NTN3: variants seen among roughly 807,000 people sequenced by gnomAD.
The protein encoded by NTN3 is netrin-3.
Under a neutral mutation model 37.2 loss-of-function variants are expected in NTN3, and 44 were observed. The observed-to-expected ratio is 1.18, with a 90% CI of 0.93 to 1.52. The LOEUF (loss-of-function observed/expected upper bound fraction) is 1.52, where lower values mean the gene tolerates loss of function less well. Among genes scored for constraint, NTN3 ranks in the 40% most tolerant of loss-of-function variants. NTN3 has a pLI of 0.00. For synonymous variants in NTN3, 385 were observed against 376.0 expected (o/e 1.02, Z -0.28); for missense variants, 882 against 857.3 (o/e 1.03, Z -0.36).
Position 2,473,799 on chromosome 16 carries a change from G to A in NTN3, c.1437G>A (p.Ala479=). Residue 479 remains alanine (A), a synonymous_variant, in exon 6 of 6, where the codon GCG becomes GCA. Transcript: ENST00000293973. The part of the protein sequence containing the change: ...AVGARGEARG[A]WTRFPVAVLA... Reference sequence around the variant, plus strand: ...GTGCGCGCGGCGAGGCGCGCGGCGCGTGGACACGCTTCCCGGTGGCGGTGC... The same window carrying A: ...GTGCGCGCGGCGAGGCGCGCGGCGCATGGACACGCTTCCCGGTGGCGGTGC... The A allele has an allele frequency of 7.2e-7, 1 of 1,392,890 alleles. No individual in the cohort carries two copies. Among genetic ancestry groups the A allele is most frequent in the South Asian group, 1.6e-5 (1 of 62,016 alleles). The allele number at this position is 1,392,890 out of a possible 1,614,324, so 86.3% of individuals were successfully genotyped here.
Position 2,472,810 on chromosome 16 carries a change from C to T in NTN3, c.1038C>T (p.Ala346=), listed in dbSNP as rs759176016. ...GVCLNCRHNT[A]GRHCHYCREG... is the part of the protein sequence containing the mutation. Reference sequence around the variant, plus strand: ...GTCTCAACTGCCGGCACAACACCGCCGGCCGCCACTGCCACTACTGCCGGG... The same window carrying T: ...GTCTCAACTGCCGGCACAACACCGCTGGCCGCCACTGCCACTACTGCCGGG... Residue 346 remains alanine (A), a synonymous_variant, in exon 2 of 6, where the codon GCC becomes GCT. Coordinates refer to ENST00000293973, the MANE Select transcript of NTN3 (RefSeq NM_006181.3). 1.8e-5 allele frequency: 29 copies of T among 1,605,618 alleles called. No individual in the cohort carries two copies. Among genetic ancestry groups the T allele is most frequent in the South Asian group, 7.7e-5 (7 of 90,994 alleles).
In NTN3 at chr16:2,474,021, C is replaced by G; in HGVS notation, c.1659C>G (p.Leu553=). 1 of 1,196,130 alleles carries G rather than the reference C, an allele frequency of 8.4e-7. No individual in the cohort carries two copies. The highest frequency in any genetic ancestry group is 1.6e-5 in the African/African-American group (1 of 62,984). 74.1% of individuals were successfully genotyped at this position (1,196,130 alleles called of 1,614,324 possible). A position where few individuals can be genotyped will look rare whatever the true frequency, so the allele number is the denominator to read the frequency against. The change falls in exon 6 of 6, where the codon CTC becomes CTG. Residue 553 remains leucine, a synonymous_variant. Coordinates refer to ENST00000293973, the MANE Select transcript of NTN3 (RefSeq NM_006181.3). ...GPGLIAARGS[L]VLPWRDAWTR... is the part of the protein sequence containing the mutation. The stretch of plus-strand genomic sequence containing the variant: ...GGCTCATCGCCGCCCGCGGAAGCCT[C>G]GTGCTACCCTGGAGGGACGCGTGGA...
At position 2,472,478 on chromosome 16, in the gene NTN3, A is replaced by T; in HGVS notation, c.777A>T (p.Gly259=). The change falls in exon 1 of 6, where the codon GGA becomes GGT. Residue 259 remains glycine, a synonymous_variant. Transcript: ENST00000293973. ...TGGGCGGGCGCTGCAAGTGCAATGG[A>T]CATGCCTCACGGTGCCTGCTGGACA... ...LQVGGRCKCN[G]HASRCLLDTQ... is the part of the protein sequence containing the mutation. 12 of 1,595,814 alleles carry T rather than the reference A, an allele frequency of 7.5e-6. No homozygotes were observed. Among genetic ancestry groups the T allele is most frequent in the Non-Finnish European group, 1.0e-5 (12 of 1,164,408 alleles).
chr16:2,471,852 C>G lies in NTN3; in HGVS notation c.151C>G (p.Arg51Gly), dbSNP rs1467965657. 8.3e-6 allele frequency: 12 copies of G among 1,442,276 alleles called. No homozygotes were observed. Among genetic ancestry groups the G allele is most frequent in the Non-Finnish European group, 1.0e-5 (11 of 1,098,090 alleles). The allele number at this position is 1,442,276 out of a possible 1,614,324, so 89.3% of individuals were successfully genotyped here. Residue 51 changes from arginine to glycine, a missense_variant, in exon 1 of 6, where the codon CGC becomes GGC. Transcript: ENST00000293973. Reference sequence around the variant, plus strand: ...AGGACTGGTGAACGCCGCCCTGGGCCGCGAGGTGCTGGCTTCCAGCACGTG... The same window carrying G: ...AGGACTGGTGAACGCCGCCCTGGGCGGCGAGGTGCTGGCTTCCAGCACGTG... Reference protein sequence around the residue: ...VPGLVNAALGREVLASSTCGR... With the variant: ...VPGLVNAALGGEVLASSTCGR...
Position 2,473,006 on chromosome 16 carries a change from G to A in NTN3, c.1139G>A (p.Gly380Asp). Reference sequence around the variant, plus strand: ...TCAGCCTGCGACTGTCACCCGGTTGGTGCTGCTGGCAAGACCTGCAACCAG... The same window carrying A: ...TCAGCCTGCGACTGTCACCCGGTTGATGCTGCTGGCAAGACCTGCAACCAG... ...ACRACDCHPV[G>D]AAGKTCNQTT... Residue 380 changes from glycine to aspartate, a missense_variant, in exon 3 of 6, where the codon GGT becomes GAT. Physicochemically the swap from Gly to Asp is moderately conservative, Grantham distance 94. Transcript: ENST00000293973. 2 of 1,606,452 alleles carry A rather than the reference G, an allele frequency of 1.2e-6. No individual in the cohort carries two copies. The highest frequency in any genetic ancestry group is 1.1e-5 in the South Asian group (1 of 90,816).
At chr16:2,473,230 C>A in intron 3 of NTN3, 38 bp from the exon 4 acceptor site, 1 of 1,608,682 alleles carries the variant, frequency 6.2e-7, no homozygotes, top group Non-Finnish European at 8.5e-7. Context: ...GATCTCTCTG[C>A]CCCTCCATCG....
Position 2,472,530 on chromosome 16 carries a change from C to G in NTN3, c.829C>G (p.Arg277Gly), listed in dbSNP as rs371230359. The G allele has an allele frequency of 6.2e-7, 1 of 1,606,654 alleles. No homozygotes were observed. Among genetic ancestry groups the G allele is most frequent in the Non-Finnish European group, 8.5e-7 (1 of 1,178,794 alleles). Residue 277 changes from arginine to glycine, a missense_variant, in exon 1 of 6, where the codon CGG (arginine) becomes GGG (glycine). Coordinates refer to ENST00000293973, the MANE Select transcript of NTN3 (RefSeq NM_006181.3). Reference protein sequence around the residue: ...DTQGHLICDCRHGTEGPDCGR... With the variant: ...DTQGHLICDCGHGTEGPDCGR... ...ACAGGGCCACCTGATCTGCGACTGT[C>G]GGCATGGCACCGAGGGCCCTGACTG... is the stretch of plus-strand genomic sequence containing the variant.
chr16:2,473,413 C>T lies in NTN3; in HGVS notation c.1319-16C>T, dbSNP rs1419587672. The T allele has an allele frequency of 1.9e-6, 3 of 1,612,750 alleles. No homozygotes were observed. The highest frequency in any genetic ancestry group is 1.7e-5 in the Admixed American group (1 of 59,984). ...GGGGAAAGGGAGTCTGTGCCAGCCT[C>T]CCACCTTCTACCCAGACTGTGACTC... On this transcript the variant is annotated splice_polypyrimidine_tract_variant and intron_variant, in intron 4 of 5. Transcript: ENST00000293973.
Position 2,472,833 on chromosome 16 carries a change from G to T in NTN3, c.1061G>T (p.Arg354Leu). Residue 354 changes from arginine (R) to leucine (L), a missense_variant, in exon 2 of 6, where the codon CGG (arginine) becomes CTG (leucine). Coordinates refer to ENST00000293973, the MANE Select transcript of NTN3 (RefSeq NM_006181.3). ...NTAGRHCHYC[R>L]EGFYRDPGRA... ...GCCGGCCGCCACTGCCACTACTGCC[G>T]GGAGGGCTTCTATCGAGACCCTGGC... 1 of 1,609,432 alleles carries T rather than the reference G, an allele frequency of 6.2e-7. No homozygotes were observed. Among genetic ancestry groups the T allele is most frequent in the Non-Finnish European group, 8.5e-7 (1 of 1,179,380 alleles).
chr16:2,472,603 C>T lies in NTN3; in HGVS notation c.902C>T (p.Thr301Ile), dbSNP rs1311778466. The T allele has an allele frequency of 2.5e-6, 4 of 1,595,626 alleles. No homozygotes were observed. Among genetic ancestry groups the T allele is most frequent in the Non-Finnish European group, 3.4e-6 (4 of 1,169,468 alleles). The part of the protein sequence containing the change: ...FYCDRPWQRA[T>I]ARESHACLAC... ...TGCGACAGGCCATGGCAGCGGGCCA[C>T]TGCCCGGGAATCCCACGCCTGCCTC... The change falls in exon 1 of 6, where the codon ACT becomes ATT. Residue 301 changes from threonine (T) to isoleucine (I), a missense_variant. Coordinates refer to ENST00000293973, the MANE Select transcript of NTN3 (RefSeq NM_006181.3).
Position 2,471,921 on chromosome 16 carries a change from C to A in NTN3, c.220C>A (p.Arg74=). 6.5e-7 allele frequency: 1 copy of A among 1,543,324 alleles called. No homozygotes were observed. The highest frequency in any genetic ancestry group is 2.4e-5 in the East Asian group (1 of 42,256). Residue 74 remains arginine (R), a synonymous_variant, in exon 1 of 6, where the codon CGG becomes AGG. Coordinates refer to ENST00000293973, the MANE Select transcript of NTN3 (RefSeq NM_006181.3). ...TRACDASDPR[R]AHSPALLTSP... is the part of the protein sequence containing the mutation. The stretch of plus-strand genomic sequence containing the variant: ...GGCCTGCGACGCCTCCGACCCGCGA[C>A]GGGCACACTCCCCCGCCCTCCTTAC...
chr16:2,474,099 C>T lies in NTN3; in HGVS notation c.1737C>T (p.Ala579=). The change falls in exon 6 of 6, where the codon GCC becomes GCT. Residue 579 remains alanine (A), a synonymous_variant. Transcript: ENST00000293973. ...QRRERRGRCS[A]A ...GCGAACGGCGGGGGCGCTGCAGCGC[C>T]GCCTGAGCCCGCCGGCTGGGCAGGG... The T allele has an allele frequency of 3.3e-6, 4 of 1,207,580 alleles. No homozygotes were observed. Among genetic ancestry groups the T allele is most frequent in the Non-Finnish European group, 4.1e-6 (4 of 971,920 alleles). The allele number at this position is 1,207,580 out of a possible 1,614,324, so 74.8% of individuals were successfully genotyped here.
chr16:2,471,622 A>T lies in NTN3; in HGVS notation c.-80A>T. The T allele has an allele frequency of 9.0e-7, 1 of 1,105,556 alleles. No individual in the cohort carries two copies. Among genetic ancestry groups the T allele is most frequent in the Non-Finnish European group, 1.2e-6 (1 of 850,960 alleles). 68.5% of individuals were successfully genotyped at this position (1,105,556 alleles called of 1,614,324 possible). The stretch of plus-strand genomic sequence containing the variant: ...CCTCGGCATTGCGGGCCTGGTGGGC[A>T]GAGCCGCGGAGAGGGCTTCTTTTCC... On this transcript the variant is annotated 5_prime_UTR_variant, in exon 1 of 6. Transcript: ENST00000293973.
rs1341324727 is a variant in NTN3, at chr16:2,472,293, A to G, written c.592A>G (p.Ser198Gly). The change falls in exon 1 of 6, where the codon AGC becomes GGC. Residue 198 changes from serine (S) to glycine (G), a missense_variant. By Grantham distance (56) the Ser-to-Gly change is moderately conservative (BLOSUM62 0). Coordinates refer to ENST00000293973, the MANE Select transcript of NTN3 (RefSeq NM_006181.3). ...SGLLAFSMQD[S>G]SPPGLDLDSS... is the part of the protein sequence containing the mutation. ...CCTTCTGGCCTTCAGCATGCAGGACAGCAGCCCCCCAGGCCTGGACCTGGA... is the reference window on the plus strand; with the variant it reads ...CCTTCTGGCCTTCAGCATGCAGGACGGCAGCCCCCCAGGCCTGGACCTGGA... 6.2e-7 allele frequency: 1 copy of G among 1,607,666 alleles called. No homozygotes were observed. Among genetic ancestry groups the G allele is most frequent in the Non-Finnish European group, 8.5e-7 (1 of 1,176,578 alleles).
At position 2,473,038 on chromosome 16, in the gene NTN3, G is replaced by A. The variant is rs143882847; in HGVS notation, c.1171G>A (p.Gly391Ser). The A allele has an allele frequency of 2.5e-6, 4 of 1,611,292 alleles. No individual in the cohort carries two copies. The highest frequency in any genetic ancestry group is 1.3e-5 in the African/African-American group (1 of 75,012). The change falls in exon 3 of 6, where the codon GGC becomes AGC. Residue 391 changes from glycine to serine, a missense_variant. Transcript: ENST00000293973. ...AAGKTCNQTT[G>S]QCPCKDGVTG... ...TGGCAAGACCTGCAACCAGACCACA[G>A]GCCAGTGTCCCTGCAAGGATGGCGT...
In NTN3 at chr16:2,473,278, C is replaced by T; in HGVS notation, c.1278C>T (p.Ile426=). 1.2e-6 allele frequency: 2 copies of T among 1,612,944 alleles called. No individual in the cohort carries two copies. Among genetic ancestry groups the T allele is most frequent in the Non-Finnish European group, 1.7e-6 (2 of 1,179,976 alleles). ...CCTCCCTCTCTGCAGAGACCCCTAT[C>T]CCTGGACCCACTGAGGACAGCAGCC... ...SPVAPCVKTP[I]PGPTEDSSPV... is the part of the protein sequence containing the mutation. Residue 426 remains isoleucine (I), a synonymous_variant, in exon 4 of 6, where the codon ATC becomes ATT. Transcript: ENST00000293973.
chr16:2,471,905 C>G lies in NTN3; in HGVS notation c.204C>G (p.Asp68Glu). The stretch of plus-strand genomic sequence containing the variant: ...GGCGGCCGGCCACTCGGGCCTGCGA[C>G]GCCTCCGACCCGCGACGGGCACACT... ...TCGRPATRAC[D>E]ASDPRRAHSP... Residue 68 changes from aspartate to glutamate, a missense_variant, in exon 1 of 6, where the codon GAC (aspartate) becomes GAG (glutamate). Physicochemically the swap from Asp to Glu is conservative, Grantham distance 45 (BLOSUM62 2). Transcript: ENST00000293973. 1.3e-6 allele frequency: 2 copies of G among 1,528,488 alleles called. No homozygotes were observed. Among genetic ancestry groups the G allele is most frequent in the Non-Finnish European group, 1.7e-6 (2 of 1,145,078 alleles). The allele number at this position is 1,528,488 out of a possible 1,614,324, so 94.7% of individuals were successfully genotyped here. A position where few individuals can be genotyped will look rare whatever the true frequency, so the allele number is the denominator to read the frequency against.
At position 2,472,008 on chromosome 16, in the gene NTN3, C is replaced by G. The variant is rs2065524125; in HGVS notation, c.307C>G (p.Leu103Val). The G allele has an allele frequency of 6.9e-6, 11 of 1,605,422 alleles. No individual in the cohort carries two copies. Among genetic ancestry groups the G allele is most frequent in the Non-Finnish European group, 9.3e-6 (11 of 1,179,410 alleles). The change falls in exon 1 of 6, where the codon CTC (leucine) becomes GTC (valine). Residue 103 changes from leucine (L) to valine (V), a missense_variant. Coordinates refer to ENST00000293973, the MANE Select transcript of NTN3 (RefSeq NM_006181.3). ...WRSESLPRAPLNVTLTVPLGK... is the reference protein window; with the variant it reads ...WRSESLPRAPVNVTLTVPLGK... Reference sequence around the variant, plus strand: ...CTCGGAGTCCCTGCCTCGGGCGCCCCTCAACGTGACTCTCACGGTGCCCCT... The same window carrying G: ...CTCGGAGTCCCTGCCTCGGGCGCCCGTCAACGTGACTCTCACGGTGCCCCT...
In NTN3 at chr16:2,472,696, T is replaced by C. The variant is rs1156253025; in HGVS notation, c.929-5T>C. ...AGCCTGCCCCTGACCCATCCCTCCC[T>C]GCAGCTTGCTCCTGCAACGGCCATG... is the stretch of plus-strand genomic sequence containing the variant. On this transcript the variant is annotated splice_polypyrimidine_tract_variant and splice_region_variant and intron_variant, in intron 1 of 5. Coordinates refer to ENST00000293973, the MANE Select transcript of NTN3 (RefSeq NM_006181.3). 6.2e-6 allele frequency: 10 copies of C among 1,609,096 alleles called. No homozygotes were observed. Among genetic ancestry groups the C allele is most frequent in the Middle Eastern group, 1.7e-4 (1 of 6,026 alleles).
Sources: gnomAD v4.1 joint callset for allele counts on GRCh38, gnomAD v4.1.1 for gene constraint, MANE v1.5 for transcripts, NCBI Gene and HGNC (gene_info 2026-07-23, HGNC 2026-07-21) for gene names.